Variants in ZRANB2 observed in about 807,000 individuals in gnomAD.
ZRANB2 encodes the protein zinc finger Ran-binding domain-containing protein 2.
A neutral mutation model predicts 53.4 loss-of-function variants in ZRANB2; 19 were observed. That is an observed-to-expected ratio of 0.36 (90% CI 0.25 to 0.52). The LOEUF (loss-of-function observed/expected upper bound fraction) is 0.52. ZRANB2 is among the 20% of genes least tolerant of loss of function. ZRANB2 has a pLI of 0.93. For synonymous variants in ZRANB2, 145 were observed against 134.8 expected, an observed-to-expected ratio of 1.08 and a Z score of -0.52; for missense variants, 309 against 401.1, an observed-to-expected ratio of 0.77 and a Z score of 1.96.
At chr1:71,077,235 C>A (rs1661729663) in intron 3 of ZRANB2, among the ~76,000 whole-genome samples, 1 of 152,130 alleles carries the variant, frequency 6.6e-6, no homozygotes, top group Non-Finnish European at 1.5e-5. Context: ...TGACACTCAA[C>A]AGAAACGCTC....
At chr1:71,080,699 G>C (rs902062693) in intron 1 of ZRANB2, among the ~76,000 whole-genome samples, 1 of 152,068 alleles carries the variant, frequency 6.6e-6, no homozygotes, top group Admixed American at 6.5e-5. Context: ...ACTCTAAAAA[G>C]AGAGGCTACC....
chr1:71,074,483 G>A (rs945013302), intron 4 of ZRANB2, among the ~76,000 whole-genome samples: 1 of 151,980 alleles, frequency 6.6e-6, no homozygotes, highest in African/African-American at 2.4e-5. Context: ...CGGGAAAGGG[G>A]GATGAATATA....
intron 4 of ZRANB2, among the ~76,000 whole-genome samples, chr1:71,073,252 C>A (rs948157187): frequency 1.7e-4 from 26 of 151,888 alleles, no homozygotes; most frequent in Non-Finnish European, 3.4e-4. Context: ...AAAGGAGAGA[C>A]TGGAATTAAA....
intron 8 of ZRANB2, 119 bp downstream of exon 8, chr1:71,069,157 C>G (rs181162621): frequency 2.1e-5 from 16 of 746,860 alleles, no homozygotes; most frequent in Non-Finnish European, 1.9e-5. Flanking sequence ...CATTAGTTTT[C>G]TAATGCTAAA....
Position 71,065,087 on chromosome 1 carries a change from G to A in ZRANB2, c.980C>T (p.Ser327Leu), listed in dbSNP as rs761085397. 6 of 1,609,602 alleles carry A rather than the reference G, an allele frequency of 3.7e-6. No homozygotes were observed. In the South Asian group the frequency reaches 6.6e-5, roughly 18 times the overall value. ...GSSHSGSRSS[S>L]KKK is the part of the protein sequence containing the mutation. Reference sequence around the variant, plus strand: ...AATTTTAATACATTATTTCTTTTTTGAACTTGAACGGGAACCAGAATGGGA... The same window carrying A: ...AATTTTAATACATTATTTCTTTTTTAAACTTGAACGGGAACCAGAATGGGA... Residue 327 changes from serine (S) to leucine (L), a missense_variant, in exon 10 of 10, where the codon TCA becomes TTA. Physicochemically the swap from Ser to Leu is moderately radical, Grantham distance 145. Transcript: ENST00000370920.
chr1:71,072,100 T>C (rs771220280), intron 6 of ZRANB2, 21 bp downstream of exon 6: 7 of 1,600,874 alleles, frequency 4.4e-6, no homozygotes, highest in African/African-American at 1.4e-5. Context: ...AAAAGGGAAA[T>C]AGGACAAGAA....
intron 9 of ZRANB2, chr1:71,066,427 T>C (rs1661439667): frequency 5.7e-6 from 1 of 174,730 alleles, no homozygotes; most frequent in Admixed American, 6.3e-5. Context: ...TGACTATTAG[T>C]ATTTAAAGAA....
At chr1:71,068,794 T>C (rs1421001660) in intron 8 of ZRANB2, among the ~76,000 whole-genome samples, 2 of 151,728 alleles carry the variant, frequency 1.3e-5, no homozygotes. Flanking sequence ...TGAACTACTA[T>C]TAATTTTTTT....
chr1:71,070,660 C>T (rs1490686144), intron 7 of ZRANB2, among the ~76,000 whole-genome samples, 167 bp downstream of exon 7: 1 of 152,082 alleles, frequency 6.6e-6, no homozygotes, highest in Non-Finnish European at 1.5e-5. Flanking sequence ...AAATACTGGA[C>T]AACAACTGTA....
At chr1:71,073,812 T>G (rs1298449044) in intron 4 of ZRANB2, among the ~76,000 whole-genome samples, 3 of 113,686 alleles carry the variant, frequency 2.6e-5, no homozygotes, top group African/African-American at 9.9e-5. Context: ...CAAAATAGTC[T>G]GCTGACAACA....
At chr1:71,078,734 T>TAAA in intron 1 of ZRANB2, 26 bp from the exon 2 acceptor site, 1 of 1,590,846 alleles carries the variant, frequency 6.3e-7, no homozygotes, top group Non-Finnish European at 8.6e-7. Flanking sequence ...AAAGCATTTA[T>TAAA]AAAAATTTAA....
chr1:71,068,798 T>G (rs1347634200), intron 8 of ZRANB2, among the ~76,000 whole-genome samples: 2 of 142,268 alleles, frequency 1.4e-5, no homozygotes, highest in Non-Finnish European at 3.1e-5. Context: ...CTACTATTAA[T>G]TTTTTTTTTT....
intron 1 of ZRANB2, among the ~76,000 whole-genome samples, chr1:71,080,357 T>C (rs1275940864): frequency 6.6e-6 from 1 of 151,868 alleles, no homozygotes; most frequent in African/African-American, 2.4e-5. Flanking sequence ...CCTTTTCGGC[T>C]CTAAGGAGGC....
chr1:71,072,174 C>G lies in ZRANB2; in HGVS notation c.460G>C (p.Glu154Gln). 1.2e-6 allele frequency: 2 copies of G among 1,612,312 alleles called. No individual in the cohort carries two copies. The highest frequency in any genetic ancestry group is 8.5e-7 in the Non-Finnish European group (1 of 1,179,182). Residue 154 changes from glutamate (E) to glutamine (Q), a missense_variant, in exon 6 of 10, where the codon GAG becomes CAG. By Grantham distance (29) the Glu-to-Gln change is conservative (BLOSUM62 2). Around this residue, in one of 3 missense-constraint regions of ZRANB2, gnomAD observed 74 missense variants for 180.1 expected, o/e 0.41. Coordinates refer to ENST00000370920, the MANE Select transcript of ZRANB2 (RefSeq NM_203350.3). ...TCATCCTCATCCTCTTCTTCTCCCT[C>G]TGATTCTTTATCTTCAACTTCCTTT... Reference protein sequence around the residue: ...ILKEVEDKESEGEEEDEDEDL... With the variant: ...ILKEVEDKESQGEEEDEDEDL...
At chr1:71,065,527 A>C (rs1661405817) in intron 9 of ZRANB2, among the ~76,000 whole-genome samples, 1 of 152,132 alleles carries the variant, frequency 6.6e-6, no homozygotes, top group Admixed American at 6.6e-5. Context: ...AAGTGTAAGA[A>C]GTCTATTATG....
intron 5 of ZRANB2, 27 bp downstream of exon 5, chr1:71,072,445 C>A: frequency 6.4e-7 from 1 of 1,564,642 alleles, no homozygotes; most frequent in Non-Finnish European, 8.7e-7. Context: ...AATTTATATT[C>A]AACCTGAACA....
Position 71,080,924 on chromosome 1 carries a change from C to G in ZRANB2, c.56+16G>C. On this transcript the variant is annotated intron_variant, in intron 1 of 9. Transcript: ENST00000370920. The stretch of plus-strand genomic sequence containing the variant: ...TAACAAACTCCGTCCCAATTCAGGA[C>G]CCTTCTTGAACTCACTTTTTGTCAG... 6.2e-7 allele frequency: 1 copy of G among 1,614,022 alleles called. No homozygotes were observed. The highest frequency in any genetic ancestry group is 1.1e-5 in the South Asian group (1 of 91,080).
chr1:71,073,954 T>C (rs1182574877), intron 4 of ZRANB2, among the ~76,000 whole-genome samples: 2 of 152,112 alleles, frequency 1.3e-5, no homozygotes, highest in African/African-American at 4.8e-5. Flanking sequence ...CCTGAGATAG[T>C]GGAATCAATG....
Position 71,072,129 on chromosome 1 carries a change from A to T in ZRANB2, c.505T>A (p.Leu169Ile). ...ACAAGAAAATTGTTCACCTCATCTAACTTATATTTAGAAAGATCTTCATCC... is the reference window on the plus strand; with the variant it reads ...ACAAGAAAATTGTTCACCTCATCTATCTTATATTTAGAAAGATCTTCATCC... ...DEDEDLSKYK[L>I]DEDEDEDDAD... The change falls in exon 6 of 10, where the codon TTA (leucine) becomes ATA (isoleucine). Residue 169 changes from leucine (L) to isoleucine (I), a missense_variant. By Grantham distance (5) the Leu-to-Ile change is conservative (BLOSUM62 2). This residue lies in a region of ZRANB2 where 74 missense variants were observed against 180.1 expected (regional missense o/e 0.41). Coordinates refer to ENST00000370920, the MANE Select transcript of ZRANB2 (RefSeq NM_203350.3). 3 of 1,607,808 alleles carry T rather than the reference A, an allele frequency of 1.9e-6. No individual in the cohort carries two copies. Among genetic ancestry groups the T allele is most frequent in the Non-Finnish European group, 2.5e-6 (3 of 1,178,152 alleles).
Sources: allele counts gnomAD v4.1 joint callset (sites outside exome capture counted in the v4.1 genomes callset), GRCh38; gene constraint gnomAD v4.1.1; regional missense constraint gnomAD v4.1.1; transcripts MANE v1.5; gene names NCBI Gene and HGNC (gene_info 2026-07-23, HGNC 2026-07-21).